LAPTM4B: variants seen among roughly 807,000 people sequenced by gnomAD.
The protein encoded by LAPTM4B is lysosomal protein transmembrane 4 beta.
A neutral mutation model predicts 28.5 loss-of-function variants in LAPTM4B; 26 were observed. The ratio of observed to expected loss-of-function variants is 0.91; its 90% CI spans 0.67 to 1.27. The LOEUF (loss-of-function observed/expected upper bound fraction) is 1.27. Among genes scored for constraint, LAPTM4B ranks in the 50% most tolerant of loss-of-function variants. The pLI, the probability that LAPTM4B is intolerant of heterozygous loss-of-function variation, is 0.00. For missense variants in LAPTM4B, 288 were observed against 285.8 expected, an observed-to-expected ratio of 1.01 and a Z score of -0.06; for synonymous variants, 109 against 106.4, an observed-to-expected ratio of 1.02 and a Z score of -0.15.
In LAPTM4B at chr8:97,804,792, ACTGGC is replaced by A. The variant is rs370311995; in HGVS notation, c.100-536_100-532del. On this transcript the variant is annotated intron_variant, in intron 1 of 6. Transcript: ENST00000521545. ...AGGGCAGTACTCAGAAGACAGGACT[ACTGGC>A]CTGGCCTGGCCTGGCCTGGCCTGGA... Among the ~76,000 whole-genome samples, 1,049 of 152,026 alleles carry A rather than the reference ACTGGC, an allele frequency of 6.9e-3. 7 individuals are homozygous for A. The highest frequency in any genetic ancestry group is 0.021 in the African/African-American group (872 of 41,416).
At chr8:97,802,823 T>C (rs1425841252) in intron 1 of LAPTM4B, among the ~76,000 whole-genome samples, 1 of 152,178 alleles carries the variant, frequency 6.6e-6, no homozygotes, top group Non-Finnish European at 1.5e-5. Context: ...ATGTATACTC[T>C]GGGAAGTGGC....
chr8:97,816,260 C>A, intron 4 of LAPTM4B, 80 bp downstream of exon 4: 9 of 1,305,658 alleles, frequency 6.9e-6, no homozygotes, highest in Non-Finnish European at 6.2e-6. Context: ...TGTAGAGATA[C>A]ACAGACATTA....
chr8:97,791,562 C>T (rs368049529), intron 1 of LAPTM4B, among the ~76,000 whole-genome samples: 2 of 152,116 alleles, frequency 1.3e-5, no homozygotes, highest in Non-Finnish European at 2.9e-5. Flanking sequence ...TCGTTTTGCA[C>T]GCTAGCCCCT....
intron 2 of LAPTM4B, among the ~76,000 whole-genome samples, chr8:97,806,505 C>T (rs1816756511): frequency 6.6e-6 from 1 of 152,106 alleles, no homozygotes; most frequent in African/African-American, 2.4e-5. Context: ...TGGGAACAGA[C>T]CTGGGGGAGA....
rs544229379 is a variant in LAPTM4B, at chr8:97,810,052, C to T, written c.211+4588C>T. 4.1e-4 allele frequency among the ~76,000 whole-genome samples: 62 copies of T among 152,254 alleles called. No individual in the cohort carries two copies. In the South Asian group the frequency reaches 6.7e-3, roughly 16 times the overall value. ...TCAAGCGATTCTCCCACCTTAGCCT[C>T]CCAAGTAGCTGTAACTAGAGGCATG... On this transcript the variant is annotated intron_variant, in intron 2 of 6. Transcript: ENST00000521545.
intron 6 of LAPTM4B, among the ~76,000 whole-genome samples, chr8:97,826,751 C>T (rs940500580): frequency 6.6e-6 from 1 of 152,170 alleles, no homozygotes; most frequent in Admixed American, 6.5e-5. Flanking sequence ...TCAGGTGATC[C>T]ACCTGCCTTG....
chr8:97,801,924 A>G (rs1170991598), intron 1 of LAPTM4B, among the ~76,000 whole-genome samples: 2 of 152,008 alleles, frequency 1.3e-5, no homozygotes, highest in Non-Finnish European at 2.9e-5. Context: ...TTTGCCATAA[A>G]TCTTAATGCC....
intron 1 of LAPTM4B, among the ~76,000 whole-genome samples, chr8:97,803,072 A>G (rs73270642): frequency 0.1 from 15,881 of 151,456 alleles, 2,526 homozygotes; most frequent in African/African-American, 0.34. Context: ...GGTGGCAGGC[A>G]CTTGTAACCC....
intron 1 of LAPTM4B, among the ~76,000 whole-genome samples, chr8:97,782,857 A>G (rs1024387743): frequency 5.3e-5 from 8 of 149,752 alleles, no homozygotes; most frequent in Admixed American, 5.3e-4. Flanking sequence ...TCAGCCTCCA[A>G]AGTAGCTGGG....
At chr8:97,792,870 G>A (rs745678594) in intron 1 of LAPTM4B, among the ~76,000 whole-genome samples, 1 of 152,292 alleles carries the variant, frequency 6.6e-6, no homozygotes, top group Non-Finnish European at 1.5e-5. Context: ...GAGCCATTGC[G>A]CCCAGCATAA....
rs140782966 is a variant in LAPTM4B, at chr8:97,814,732, C to T, written c.212-596C>T. 6.3e-3 allele frequency among the ~76,000 whole-genome samples: 926 copies of T among 147,140 alleles called. 7 individuals carry two copies. Among genetic ancestry groups the T allele is most frequent in the African/African-American group, 0.022 (872 of 40,238 alleles). On this transcript the variant is annotated intron_variant, in intron 2 of 6. Coordinates refer to ENST00000521545, the MANE Select transcript of LAPTM4B (RefSeq NM_018407.6). ...TTTTTGAGATGGAGTCTCGCTCTAT[C>T]GCCCAGACCGGAGTGCAGTGGCGCG...
At chr8:97,786,381 A>T (rs930890853) in intron 1 of LAPTM4B, among the ~76,000 whole-genome samples, 6 of 149,000 alleles carry the variant, frequency 4.0e-5, no homozygotes, top group African/African-American at 1.5e-4. Flanking sequence ...TGTAATTTCA[A>T]ATTATTAGTA....
chr8:97,820,538 A>G (rs1267743510), intron 5 of LAPTM4B, among the ~76,000 whole-genome samples: 16 of 152,110 alleles, frequency 1.1e-4, no homozygotes, highest in Admixed American at 9.8e-4. Context: ...TCATATAGGT[A>G]CTGTGATGAA....
chr8:97,802,850 A>G (rs868524913), intron 1 of LAPTM4B, among the ~76,000 whole-genome samples: 53 of 152,106 alleles, frequency 3.5e-4, no homozygotes, highest in Middle Eastern at 3.4e-3. Flanking sequence ...CATTATTACA[A>G]TTTTTTTCGA....
chr8:97,846,978 A>G (rs749056964), intron 6 of LAPTM4B, among the ~76,000 whole-genome samples: 1 of 152,204 alleles, frequency 6.6e-6, no homozygotes, highest in Non-Finnish European at 1.5e-5. Context: ...CTATATGTTG[A>G]TGTAGCTGAG....
chr8:97,776,133 GA>G, intron 1 of LAPTM4B, 25 bp downstream of exon 1: 1 of 1,486,406 alleles, frequency 6.7e-7, no homozygotes. Flanking sequence ...CCCGGCCCGG[GA>G]CCCTGCGTTG....
At chr8:97,790,632 A>G (rs981980560) in intron 1 of LAPTM4B, among the ~76,000 whole-genome samples, 1 of 151,606 alleles carries the variant, frequency 6.6e-6, no homozygotes, top group African/African-American at 2.4e-5. Flanking sequence ...TTTTAGTGGA[A>G]ATGGGGTTTC....
intron 1 of LAPTM4B, among the ~76,000 whole-genome samples, chr8:97,776,427 G>A (rs1230480521): frequency 1.3e-5 from 2 of 152,248 alleles, no homozygotes; most frequent in East Asian, 1.9e-4. Flanking sequence ...GGCGCACCGG[G>A]GCAGACAAAC....
chr8:97,798,785 C>A (rs1816629214), intron 1 of LAPTM4B, among the ~76,000 whole-genome samples: 1 of 152,148 alleles, frequency 6.6e-6, no homozygotes, highest in African/African-American at 2.4e-5. Flanking sequence ...GCTGTCAGAA[C>A]TCCAGTAGCA....
Sources: gnomAD v4.1 joint callset for allele counts (sites outside exome capture counted in the v4.1 genomes callset) on GRCh38, gnomAD v4.1.1 for gene constraint, MANE v1.5 for transcripts, NCBI Gene and HGNC (gene_info 2026-07-23, HGNC 2026-07-21) for gene names.